The following HYDIN variants were observed in gnomAD, a reference collection of about 807,000 sequenced individuals.
The protein encoded by HYDIN is HYDIN axonemal central pair apparatus protein, also known as axonemal central pair apparatus protein HYDIN.
HYDIN carries 132 observed loss-of-function variants against 403.9 expected under a neutral mutation model. The observed-to-expected ratio is 0.33, with a 90% CI of 0.28 to 0.38. HYDIN has a LOEUF of 0.38. HYDIN is among the 10% of genes least tolerant of loss of function. The pLI, the probability that HYDIN is intolerant of heterozygous loss-of-function variation, is 1.00. For synonymous variants in HYDIN, 1,202 were observed against 1,891.7 expected, an observed-to-expected ratio of 0.64 and a Z score of 9.46; for missense variants, 2,827 against 5,009.5, an observed-to-expected ratio of 0.56 and a Z score of 13.15.
chr16:71,159,705 C>T (rs1162660591), intron 6 of HYDIN, among the ~76,000 whole-genome samples: 6 of 144,756 alleles, frequency 4.1e-5, no homozygotes, highest in Admixed American at 3.4e-4. Context: ...AGATAAGAAT[C>T]ACAGCAGACT....
chr16:70,912,577 G>A (rs373700198), intron 47 of HYDIN, among the ~76,000 whole-genome samples: 19 of 149,178 alleles, frequency 1.3e-4, no homozygotes, highest in African/African-American at 4.2e-4. Context: ...CAGGCATATC[G>A]GCCTGCAGTT....
chr16:71,206,839 C>A (rs182235195), intron 1 of HYDIN, among the ~76,000 whole-genome samples: 2 of 152,180 alleles, frequency 1.3e-5, no homozygotes, highest in East Asian at 3.9e-4. Flanking sequence ...GCTTGAAGAC[C>A]GACTTTCTGA....
rs929945434 is a variant in HYDIN at position 70,804,496 on chromosome 16, G to A, written c.*3084C>T. ...ACCAGGTGACTGATTGGTTGGGTAA[G>A]ACGGATGAAATCATCAGGATGTGGA... On this transcript the variant is annotated 3_prime_UTR_variant, in exon 86 of 86. Transcript: ENST00000393567. 9.9e-5 allele frequency among the ~76,000 whole-genome samples: 15 copies of A among 152,232 alleles called. No homozygotes were observed. Among genetic ancestry groups the A allele is most frequent in the African/African-American group, 3.4e-4 (14 of 41,452 alleles).
At chr16:71,010,422 G>A (rs1244075483) in intron 23 of HYDIN, among the ~76,000 whole-genome samples, 2 of 152,108 alleles carry the variant, frequency 1.3e-5, no homozygotes, top group South Asian at 2.1e-4. Flanking sequence ...CTCCTGAAAT[G>A]GCCTCAGACT....
At position 70,938,769 on chromosome 16, in the gene HYDIN, A is replaced by C; in HGVS notation, c.6854-14T>G. On this transcript the variant is annotated splice_polypyrimidine_tract_variant and intron_variant, in intron 43 of 85. Transcript: ENST00000393567. The stretch of plus-strand genomic sequence containing the variant: ...TGTGCTTGCGTTCTGTGAGGGGAAC[A>C]GAGACGGGAAGGTGAGGAAAAGTCC... 1 of 1,613,580 alleles carries C rather than the reference A, an allele frequency of 6.2e-7. No homozygotes were observed. The highest frequency in any genetic ancestry group is 8.5e-7 in the Non-Finnish European group (1 of 1,179,870).
chr16:70,916,765 A>C (rs1279953987), intron 47 of HYDIN, among the ~76,000 whole-genome samples: 1 of 152,136 alleles, frequency 6.6e-6, no homozygotes, highest in Non-Finnish European at 1.5e-5. Flanking sequence ...TTGTGTTCTT[A>C]CAAAATACTC....
Position 70,807,564 on chromosome 16 carries a change from G to A in HYDIN, c.*16C>T, listed in dbSNP as rs1381596420. 1 of 1,591,474 alleles carries A rather than the reference G, an allele frequency of 6.3e-7. No homozygotes were observed. The highest frequency in any genetic ancestry group is 8.6e-7 in the Non-Finnish European group (1 of 1,168,232). On this transcript the variant is annotated 3_prime_UTR_variant, in exon 86 of 86. Coordinates refer to ENST00000393567, the MANE Select transcript of HYDIN (RefSeq NM_001270974.2). ...AATGCATAGCTTTTGGTTGATACAG[G>A]TAACCCTGGTTACCACTAAAGGGTG...
chr16:71,177,197 A>C (rs2144644274), intron 4 of HYDIN, among the ~76,000 whole-genome samples: 1 of 152,276 alleles, frequency 6.6e-6, no homozygotes, highest in South Asian at 2.1e-4. Flanking sequence ...CGTGCCCTTT[A>C]CCCCGACTTG....
chr16:70,821,994 T>A (rs1282484289), intron 83 of HYDIN, among the ~76,000 whole-genome samples: 2 of 152,206 alleles, frequency 1.3e-5, no homozygotes, highest in Non-Finnish European at 2.9e-5. Context: ...GTACAGGAGA[T>A]GAATGTTGTT....
At chr16:71,169,838 GTAATGTATATATTAATTAGA>G (rs1312007826) in intron 5 of HYDIN, among the ~76,000 whole-genome samples, 13 of 152,134 alleles carry the variant, frequency 8.5e-5, no homozygotes, top group Non-Finnish European at 1.6e-4. Flanking sequence ...AGTATGTGAG[GTAATGTATATATTAATTAGA>G]TAATGTATAT....
At chr16:71,139,420 C>T (rs2085080050) in intron 7 of HYDIN, among the ~76,000 whole-genome samples, 1 of 151,766 alleles carries the variant, frequency 6.6e-6, no homozygotes. Flanking sequence ...GGAAATAGGC[C>T]CACAAAAATA....
intron 65 of HYDIN, among the ~76,000 whole-genome samples, chr16:70,870,923 T>C (rs1254422992): frequency 6.6e-6 from 1 of 151,184 alleles, no homozygotes; most frequent in Non-Finnish European, 1.5e-5. Context: ...CCCAGCTACT[T>C]GGGGGGCTGA....
chr16:70,963,010 G>A (rs1286599297), intron 37 of HYDIN, among the ~76,000 whole-genome samples: 2 of 152,098 alleles, frequency 1.3e-5, no homozygotes, highest in East Asian at 3.9e-4. Context: ...ATGGGTAAGG[G>A]AGCCCACAAA....
chr16:71,203,684 T>C (rs1895528), intron 1 of HYDIN: 162,614 of 452,848 alleles, frequency 0.36, 30,959 homozygotes, highest in East Asian at 0.59. Context: ...CAAATTATTC[T>C]ATTCTTATGA....
chr16:71,114,263 TA>T (rs1416920601), intron 10 of HYDIN, among the ~76,000 whole-genome samples: 2 of 151,714 alleles, frequency 1.3e-5, no homozygotes, highest in African/African-American at 4.9e-5. Flanking sequence ...GATTGCCAAG[TA>T]GTACATTAAA....
At chr16:70,986,129 T>A (rs531610956) in intron 27 of HYDIN, among the ~76,000 whole-genome samples, 35 of 114,628 alleles carry the variant, frequency 3.1e-4, no homozygotes, top group Admixed American at 1.7e-3. Flanking sequence ...ATAAATAAAT[T>A]AAAAAAAAAA....
Position 71,175,647 on chromosome 16 carries a change from G to C in HYDIN, c.476C>G (p.Pro159Arg). The C allele has an allele frequency of 6.2e-7, 1 of 1,614,110 alleles. No homozygotes were observed. The highest frequency in any genetic ancestry group is 8.5e-7 in the Non-Finnish European group (1 of 1,179,904). ...AGTAAAGAGGATTCGGAATATGGAAGGCACTCCAGGAGCCACTTTGTGGCC... is the reference window on the plus strand; with the variant it reads ...AGTAAAGAGGATTCGGAATATGGAACGCACTCCAGGAGCCACTTTGTGGCC... ...DIGHKVAPGV[P>R]SIFRILFTPE... The change falls in exon 5 of 86, where the codon CCT becomes CGT. Residue 159 changes from proline to arginine, a missense_variant. Coordinates refer to ENST00000393567, the MANE Select transcript of HYDIN (RefSeq NM_001270974.2).
At chr16:70,847,506 TTATC>T (rs2038294974) in intron 75 of HYDIN, among the ~76,000 whole-genome samples, 1 of 152,180 alleles carries the variant, frequency 6.6e-6, no homozygotes, top group Non-Finnish European at 1.5e-5. Flanking sequence ...CAGGTTTTAT[TTATC>T]TGAGAGTGTC....
At chr16:71,199,308 T>A (rs1201861834) in intron 1 of HYDIN, among the ~76,000 whole-genome samples, 1 of 152,226 alleles carries the variant, frequency 6.6e-6, no homozygotes, top group Non-Finnish European at 1.5e-5. Context: ...AATGGCTTCA[T>A]GGGCCTACTT....
Sources: gnomAD v4.1 joint callset for allele counts (sites outside exome capture counted in the v4.1 genomes callset) on GRCh38, gnomAD v4.1.1 for gene constraint, MANE v1.5 for transcripts, NCBI Gene and HGNC (gene_info 2026-07-23, HGNC 2026-07-21) for gene names.